Variants in RAD9A observed in about 807,000 individuals in gnomAD.
The protein encoded by RAD9A is RAD9 checkpoint clamp component A.
RAD9A carries 25 observed loss-of-function variants against 41.2 expected under a neutral mutation model. That is an observed-to-expected ratio of 0.61 (90% CI 0.44 to 0.85). The LOEUF (loss-of-function observed/expected upper bound fraction) is 0.85. Ranked by LOEUF, RAD9A falls within the 40% of genes least tolerant of loss-of-function variation. The pLI is 0.00. For synonymous variants in RAD9A, 252 were observed against 210.6 expected (o/e 1.20, Z -1.70); for missense variants, 514 against 518.3 (o/e 0.99, Z 0.08).
intron 2 of RAD9A, 51 bp from the exon 3 acceptor site, chr11:67,392,603 G>T: frequency 6.2e-7 from 1 of 1,607,912 alleles, no homozygotes; most frequent in African/African-American, 1.3e-5. Flanking sequence ...AGAGGGCTGG[G>T]TCTGTGGCTG....
chr11:67,393,879 T>A, intron 5 of RAD9A, 89 bp downstream of exon 5: 1 of 1,059,154 alleles, frequency 9.4e-7, no homozygotes, highest in Non-Finnish European at 1.3e-6. Flanking sequence ...GGTACCTCTT[T>A]CATTTTCCCT....
chr11:67,395,425 G>A, intron 5 of RAD9A: 2 of 453,902 alleles, frequency 4.4e-6, no homozygotes, highest in Non-Finnish European at 7.8e-6. Context: ...GGTATCCTTA[G>A]AGGATAAGGA....
Position 67,397,535 on chromosome 11 carries a change from G to C in RAD9A, c.1152G>C (p.Ala384=). 7.5e-6 allele frequency: 12 copies of C among 1,609,388 alleles called. No homozygotes were observed. Among genetic ancestry groups the C allele is most frequent in the Non-Finnish European group, 1.0e-5 (12 of 1,176,920 alleles). Residue 384 remains alanine (A), a synonymous_variant, in exon 11 of 11, where the codon GCG becomes GCC. Transcript: ENST00000307980. ...RSPQGPSPVL[A]EDSEGEG is the part of the protein sequence containing the mutation. ...CCCAGGGCCCCAGCCCTGTGCTGGC[G>C]GAAGACAGTGAGGGTGAAGGCTGAA...
At chr11:67,393,297 A>AAAT in intron 3 of RAD9A, 199 bp from the exon 4 acceptor site, 3 of 1,286,428 alleles carry the variant, frequency 2.3e-6, no homozygotes, top group East Asian at 3.2e-5. Flanking sequence ...AAAAAAAAAA[A>AAAT]GGTAAGCAGG....
rs781054044 is a variant in RAD9A, at chr11:67,393,735, C to G, written c.394C>G (p.Leu132Val). 1 of 1,613,330 alleles carries G rather than the reference C, an allele frequency of 6.2e-7. No homozygotes were observed. The highest frequency in any genetic ancestry group is 1.1e-5 in the South Asian group (1 of 90,982). ...HNLSFQDCES[L>V]QAVFDPASCP... ...CCTGTCCTTCCAGGACTGTGAGTCC[C>G]TGCAGGCCGTCTTCGACCCAGCCTC... Residue 132 changes from leucine to valine, a missense_variant, in exon 5 of 11, where the codon CTG becomes GTG. Leu to Val is a conservative substitution (Grantham distance 32). Coordinates refer to ENST00000307980, the MANE Select transcript of RAD9A (RefSeq NM_004584.3).
At chr11:67,395,883 C>T (rs764948465) in intron 6 of RAD9A, 29 bp from the exon 7 acceptor site, 3 of 1,612,566 alleles carry the variant, frequency 1.9e-6, no homozygotes, top group Non-Finnish European at 2.5e-6. Flanking sequence ...AGGGGCGGGG[C>T]CCAGGTTACT....
chr11:67,395,545 G>C, intron 5 of RAD9A, 171 bp from the exon 6 acceptor site: 1 of 604,924 alleles, frequency 1.7e-6, no homozygotes, highest in Non-Finnish European at 2.9e-6. Flanking sequence ...CCAGGTTTGA[G>C]CAACCACTGC....
Position 67,397,228 on chromosome 11 carries a change from A to G in RAD9A, c.922A>G (p.Ile308Val). ...CAATGACGACATTGACTCTTACATG[A>G]TCGCCATGGAAACCACTATAGGCAA... ...FANDDIDSYMIAMETTIGNEG... is the reference protein window; with the variant it reads ...FANDDIDSYMVAMETTIGNEG... Residue 308 changes from isoleucine (I) to valine (V), a missense_variant, in exon 10 of 11, where the codon ATC becomes GTC. Physicochemically the swap from Ile to Val is conservative, Grantham distance 29. Coordinates refer to ENST00000307980, the MANE Select transcript of RAD9A (RefSeq NM_004584.3). 6.2e-7 allele frequency: 1 copy of G among 1,613,666 alleles called. No homozygotes were observed. Among genetic ancestry groups the G allele is most frequent in the South Asian group, 1.1e-5 (1 of 91,074 alleles).
intron 9 of RAD9A, among the ~76,000 whole-genome samples, chr11:67,396,752 G>A (rs1862712901): frequency 6.6e-6 from 1 of 152,168 alleles, no homozygotes. Flanking sequence ...GGCTGGAAGG[G>A]CAGGTGGGCT....
Position 67,397,602 on chromosome 11 carries a change from G to A in RAD9A, c.*43G>A, listed in dbSNP as rs191668067. 1,590 of 1,505,654 alleles carry A rather than the reference G, an allele frequency of 1.1e-3. 10 individuals carry two copies. In the African/African-American group the frequency reaches 0.016, roughly 15 times the overall value. The allele number at this position is 1,505,654 out of a possible 1,614,324, so 93.3% of individuals were successfully genotyped here. A position where few individuals can be genotyped will look rare whatever the true frequency, so the allele number is the denominator to read the frequency against. ...TGTACCCAGAGGCCTTGGACTAGAC[G>A]AAGCCCCAGCCAGTGGCAGAACTGG... On this transcript the variant is annotated 3_prime_UTR_variant, in exon 11 of 11. Coordinates refer to ENST00000307980, the MANE Select transcript of RAD9A (RefSeq NM_004584.3).
At chr11:67,396,780 G>C (rs1201049311) in intron 9 of RAD9A, among the ~76,000 whole-genome samples, 6 of 152,180 alleles carry the variant, frequency 3.9e-5, no homozygotes, top group Non-Finnish European at 7.4e-5. Context: ...ATGGCCCAGT[G>C]CACTTTCAGC....
At chr11:67,396,512 T>C in intron 9 of RAD9A, 112 bp downstream of exon 9, 1 of 1,354,738 alleles carries the variant, frequency 7.4e-7, no homozygotes, top group Non-Finnish European at 1.0e-6. Flanking sequence ...CCGCCCCTTC[T>C]CTTTCTATCA....
rs2422490 is a variant in RAD9A at position 67,392,760 on chromosome 11, T to A, written c.212T>A (p.Leu71Gln). 1.1e-5 allele frequency: 17 copies of A among 1,614,058 alleles called. No homozygotes were observed. In the South Asian group the frequency reaches 1.4e-4, roughly 14 times the overall value. Residue 71 changes from leucine (L) to glutamine (Q), a missense_variant, in exon 3 of 11, where the codon CTG (leucine) becomes CAG (glutamine). Around this residue, in one of 3 missense-constraint regions of RAD9A, gnomAD observed 268 missense variants for 279.3 expected, o/e 0.96. Transcript: ENST00000307980. ...GCAGCCACCCCTGGTCAGGACCTGC[T>A]GCGCTGTAAGATCCTGATGAAGGTG... ...YQAATPGQDL[L>Q]RCKILMKSFL...
Position 67,396,381 on chromosome 11 carries a change from C to T in RAD9A, c.853C>T (p.Pro285Ser). The change falls in exon 9 of 11, where the codon CCT becomes TCT. Residue 285 changes from proline (P) to serine (S), a missense_variant. Physicochemically the swap from Pro to Ser is moderately conservative, Grantham distance 74 (BLOSUM62 -1). This residue lies in a region of RAD9A where 216 missense variants were observed against 184.2 expected (regional missense o/e 1.17). Coordinates refer to ENST00000307980, the MANE Select transcript of RAD9A (RefSeq NM_004584.3). ...CTCCCCAGAGCGTCACCAGCCAGTG[C>T]CTCAGCTCCAGGCTCACAGGTGAGG... is the stretch of plus-strand genomic sequence containing the variant. ...LGSPERHQPV[P>S]QLQAHSTPHP... The T allele has an allele frequency of 6.2e-7, 1 of 1,613,948 alleles. No homozygotes were observed. The highest frequency in any genetic ancestry group is 1.3e-5 in the African/African-American group (1 of 75,036).
chr11:67,397,561 C>G lies in RAD9A; in HGVS notation c.*2C>G, dbSNP rs774293269. On this transcript the variant is annotated 3_prime_UTR_variant, in exon 11 of 11. Coordinates refer to ENST00000307980, the MANE Select transcript of RAD9A (RefSeq NM_004584.3). Reference sequence around the variant, plus strand: ...GAAGACAGTGAGGGTGAAGGCTGAACCAAGAACCTGAAGCCTGTACCCAGA... The same window carrying G: ...GAAGACAGTGAGGGTGAAGGCTGAAGCAAGAACCTGAAGCCTGTACCCAGA... 1.3e-6 allele frequency: 2 copies of G among 1,595,324 alleles called. No homozygotes were observed. The highest frequency in any genetic ancestry group is 1.7e-5 in the Admixed American group (1 of 59,902).
At position 67,393,680 on chromosome 11, in the gene RAD9A, C is replaced by T. The variant is rs775555886; in HGVS notation, c.350-11C>T. On this transcript the variant is annotated splice_polypyrimidine_tract_variant and intron_variant, in intron 4 of 10. Coordinates refer to ENST00000307980, the MANE Select transcript of RAD9A (RefSeq NM_004584.3). The stretch of plus-strand genomic sequence containing the variant: ...TCGGCGAGGCCCACTGAGACCCTAT[C>T]GCCCATCCAGGGGTGCGGAAGACTC... 29 of 1,612,588 alleles carry T rather than the reference C, an allele frequency of 1.8e-5. No homozygotes were observed. The highest frequency in any genetic ancestry group is 2.3e-5 in the Non-Finnish European group (27 of 1,178,932).
At position 67,392,018 on chromosome 11, in the gene RAD9A, T is replaced by C; in HGVS notation, c.-27T>C. 5 of 1,551,314 alleles carry C rather than the reference T, an allele frequency of 3.2e-6. No individual in the cohort carries two copies. In the Middle Eastern group the frequency reaches 7.3e-4, roughly 226 times the overall value. On this transcript the variant is annotated 5_prime_UTR_variant, in exon 1 of 11. Coordinates refer to ENST00000307980, the MANE Select transcript of RAD9A (RefSeq NM_004584.3). ...GAGGTCGCGGAGAGCTGGGCAGTGT[T>C]GGCCGCTGGCGGAGCGCTGGGGCAG...
chr11:67,396,539 C>T (rs1565118220), intron 9 of RAD9A, 139 bp downstream of exon 9: 3 of 1,124,804 alleles, frequency 2.7e-6, no homozygotes, highest in Non-Finnish European at 3.7e-6. Flanking sequence ...AGCCCCTAAC[C>T]CTATAGTGCT....
rs1862671352 is a variant in RAD9A at position 67,395,783 on chromosome 11, G to A, written c.517G>A (p.Gly173Ser). 6.2e-7 allele frequency: 1 copy of A among 1,613,754 alleles called. No individual in the cohort carries two copies. Among genetic ancestry groups the A allele is most frequent in the South Asian group, 1.1e-5 (1 of 91,088 alleles). ...LAEVTLGIGR[G>S]RRVILRSYHE... ...TGAAGTGACGCTGGGCATTGGCCGT[G>A]GCCGCAGGGTCATCCTGCGCAGCTA... The change falls in exon 6 of 11, where the codon GGC becomes AGC. Residue 173 changes from glycine (G) to serine (S), a missense_variant. By Grantham distance (56) the Gly-to-Ser change is moderately conservative (BLOSUM62 0). Transcript: ENST00000307980.
Sources: allele counts gnomAD v4.1 joint callset (sites outside exome capture counted in the v4.1 genomes callset), GRCh38; gene constraint gnomAD v4.1.1; regional missense constraint gnomAD v4.1.1; transcripts MANE v1.5; gene names NCBI Gene and HGNC (gene_info 2026-07-23, HGNC 2026-07-21).